The following SRSF4 variants were observed in gnomAD, a reference collection of about 807,000 sequenced individuals.
SRSF4 encodes the protein serine/arginine-rich splicing factor 4.
Under a neutral mutation model 48.8 loss-of-function variants are expected in SRSF4, and 12 were observed. The ratio of observed to expected loss-of-function variants is 0.25; its 90% CI spans 0.16 to 0.40. The LOEUF (loss-of-function observed/expected upper bound fraction) is 0.40, where lower values mean the gene tolerates loss of function less well. SRSF4 is among the 10% of genes least tolerant of loss of function. The pLI, the probability that SRSF4 is intolerant of heterozygous loss-of-function variation, is 1.00. For missense variants in SRSF4, 466 were observed against 667.1 expected (o/e 0.70, Z 3.32); for synonymous variants, 248 against 232.5 (o/e 1.07, Z -0.61).
intron 1 of SRSF4, chr1:29,169,717 AC>A (rs1672721050): frequency 6.6e-6 from 1 of 152,222 alleles, no homozygotes; most frequent in Non-Finnish European, 1.5e-5. Context: ...TGATGAACTA[AC>A]CAAACTCAAG....
At chr1:29,180,156 G>A (rs1672933169) in intron 1 of SRSF4, among the ~76,000 whole-genome samples, 1 of 152,220 alleles carries the variant, frequency 6.6e-6, no homozygotes, top group African/African-American at 2.4e-5. Flanking sequence ...CGTAGTAAGT[G>A]GTGGAACCAG....
In SRSF4 at chr1:29,148,207, G is replaced by T. The variant is rs1672335997; in HGVS notation, c.*203C>A. 1.3e-6 allele frequency: 1 copy of T among 783,504 alleles called. No homozygotes were observed. The allele number at this position is 783,504 out of a possible 1,614,324, so 48.5% of individuals were successfully genotyped here. On this transcript the variant is annotated 3_prime_UTR_variant, in exon 6 of 6. Transcript: ENST00000373795. Reference sequence around the variant, plus strand: ...ATGAGTAAAAGGGGATTTTCAAAGAGAAAATTTTTTTCAGTCGAGCAGGAA... The same window carrying T: ...ATGAGTAAAAGGGGATTTTCAAAGATAAAATTTTTTTCAGTCGAGCAGGAA...
chr1:29,166,077 A>G (rs1294984947), intron 1 of SRSF4: 2 of 152,196 alleles, frequency 1.3e-5, no homozygotes, highest in Non-Finnish European at 2.9e-5. Flanking sequence ...GTAGCCAAGG[A>G]AAAATTTTCA....
At chr1:29,168,771 G>C (rs1672703168) in intron 1 of SRSF4, 1 of 152,144 alleles carries the variant, frequency 6.6e-6, no homozygotes, top group Non-Finnish European at 1.5e-5. Context: ...ATGAAGACTT[G>C]GATCTAGACG....
At chr1:29,173,822 C>T (rs574260751) in intron 1 of SRSF4, among the ~76,000 whole-genome samples, 2 of 151,866 alleles carry the variant, frequency 1.3e-5, no homozygotes, top group African/African-American at 4.8e-5. Context: ...ATGATTTCCT[C>T]ATATATAATT....
At chr1:29,150,064 C>T in intron 5 of SRSF4, 39 bp downstream of exon 5, 9 of 1,547,752 alleles carry the variant, frequency 5.8e-6, no homozygotes, top group East Asian at 2.3e-5. Flanking sequence ...TACAGGCATT[C>T]CCTGCTGACC....
At chr1:29,180,806 C>G (rs1224776865) in intron 1 of SRSF4, among the ~76,000 whole-genome samples, 1 of 152,278 alleles carries the variant, frequency 6.6e-6, no homozygotes, top group East Asian at 1.9e-4. Context: ...ACTATTTTTG[C>G]CGAAGTAGAT....
intron 1 of SRSF4, among the ~76,000 whole-genome samples, chr1:29,175,624 G>A (rs567096416): frequency 2.8e-5 from 4 of 142,466 alleles, no homozygotes; most frequent in African/African-American, 1.0e-4. Flanking sequence ...GAACCCAGGA[G>A]GCGGAGCTTG....
chr1:29,163,395 C>T (rs1290472875), intron 1 of SRSF4, among the ~76,000 whole-genome samples: 3 of 152,260 alleles, frequency 2.0e-5, no homozygotes, highest in Admixed American at 6.5e-5. Context: ...ATTGTCACTT[C>T]TCTCTGCCAT....
rs751498335 is a variant in SRSF4 at position 29,181,705 on chromosome 1, G to A, written c.48C>T (p.Arg16=). 5 of 1,596,116 alleles carry A rather than the reference G, an allele frequency of 3.1e-6. No homozygotes were observed. Among genetic ancestry groups the A allele is most frequent in the Non-Finnish European group, 4.3e-6 (5 of 1,173,290 alleles). ...IGRLSYQARE[R]DVERFFKGYG... Reference sequence around the variant, plus strand: ...AGCCCTTAAAGAAGCGCTCCACATCGCGCTCCCGGGCCTGGTAGCTCAGGC... The same window carrying A: ...AGCCCTTAAAGAAGCGCTCCACATCACGCTCCCGGGCCTGGTAGCTCAGGC... The change falls in exon 1 of 6, where the codon CGC becomes CGT. Residue 16 remains arginine (R), a synonymous_variant. Transcript: ENST00000373795.
chr1:29,175,781 TATAC>T (rs936235048), intron 1 of SRSF4, among the ~76,000 whole-genome samples: 12 of 149,774 alleles, frequency 8.0e-5, no homozygotes, highest in Non-Finnish European at 1.8e-4. Flanking sequence ...TAATTTTAAC[TATAC>T]ATAAAGAGAG....
At chr1:29,153,718 C>G (rs953961879) in intron 4 of SRSF4, among the ~76,000 whole-genome samples, 2 of 151,904 alleles carry the variant, frequency 1.3e-5, no homozygotes, top group African/African-American at 4.8e-5. Flanking sequence ...CCTGCCTCAG[C>G]CTCCCGAGTA....
chr1:29,172,333 C>T (rs1558392616), intron 1 of SRSF4: 1 of 152,054 alleles, frequency 6.6e-6, no homozygotes, highest in East Asian at 1.9e-4. Flanking sequence ...CTCACTCTGT[C>T]ACCCAAGCTG....
intron 1 of SRSF4, chr1:29,166,201 A>C (rs1416878972): frequency 6.6e-6 from 1 of 152,280 alleles, no homozygotes; most frequent in African/African-American, 2.4e-5. Context: ...TTCAGTGAAC[A>C]GGAATCAAAC....
intron 1 of SRSF4, among the ~76,000 whole-genome samples, chr1:29,164,377 A>C (rs1360904493): frequency 1.3e-5 from 2 of 152,254 alleles, no homozygotes; most frequent in Non-Finnish European, 2.9e-5. Flanking sequence ...TTTAAAGCCA[A>C]GCTTAACACT....
intron 1 of SRSF4, among the ~76,000 whole-genome samples, chr1:29,180,724 T>G (rs761782470): frequency 3.3e-5 from 5 of 152,236 alleles, no homozygotes; most frequent in Non-Finnish European, 7.3e-5. Context: ...GGTTCCCAGT[T>G]TTCCCCGTTG....
intron 1 of SRSF4, among the ~76,000 whole-genome samples, chr1:29,175,787 TAAAGAG>T (rs1672839551): frequency 6.8e-6 from 1 of 147,304 alleles, no homozygotes; most frequent in Non-Finnish European, 1.5e-5. Flanking sequence ...TAACTATACA[TAAAGAG>T]AGTTATTCAA....
chr1:29,153,394 C>T (rs146534967), intron 4 of SRSF4, among the ~76,000 whole-genome samples: 193 of 152,142 alleles, frequency 1.3e-3, no homozygotes, highest in African/African-American at 4.2e-3. Context: ...GTGATCCACT[C>T]GCCTCAGCCT....
intron 1 of SRSF4, among the ~76,000 whole-genome samples, chr1:29,176,863 G>A (rs555659501): frequency 1.1e-4 from 16 of 152,308 alleles, no homozygotes; most frequent in African/African-American, 2.9e-4. Flanking sequence ...ACTGTTCCAT[G>A]AAACGCAGGT....
Sources: gnomAD v4.1 joint callset for allele counts (sites outside exome capture counted in the v4.1 genomes callset) on GRCh38, gnomAD v4.1.1 for gene constraint, MANE v1.5 for transcripts, NCBI Gene and HGNC (gene_info 2026-07-23, HGNC 2026-07-21) for gene names.